Variants in PIK3R3 observed in about 807,000 individuals in gnomAD.
PIK3R3 encodes phosphatidylinositol 3-kinase regulatory subunit gamma.
In PIK3R3, 64 loss-of-function variants were observed where a neutral mutation model predicts 62.9. The ratio of observed to expected loss-of-function variants is 1.02; its 90% confidence interval spans 0.83 to 1.25. The LOEUF is 1.25. Ranked by LOEUF, PIK3R3 falls within the 50% of genes most tolerant of loss-of-function variation. PIK3R3 has a pLI of 0.00. For missense variants in PIK3R3, 614 were observed against 561.6 expected, an observed-to-expected ratio of 1.09 and a Z score of -0.94; for synonymous variants, 165 against 189.0, an observed-to-expected ratio of 0.87 and a Z score of 1.04.
chr1:46,060,185 C>T (rs1006756142), intron 6 of PIK3R3, among the ~76,000 whole-genome samples: 7 of 151,516 alleles, frequency 4.6e-5, no homozygotes, highest in South Asian at 2.1e-4. Context: ...GTTTCTTCAT[C>T]GTTAATAATA....
In PIK3R3 at chr1:46,129,484, T is replaced by C. The variant is rs932714885; in HGVS notation, c.106+2363A>G. 3.9e-5 allele frequency among the ~76,000 whole-genome samples: 6 copies of C among 152,048 alleles called. No homozygotes were observed. In the East Asian group the frequency reaches 1.2e-3, roughly 29 times the overall value. ...AGCCATTCAGAGGTTTTTAAACCCA[T>C]TGGAAGATTTATCATTGTAAGATAA... On this transcript the variant is annotated intron_variant, in intron 1 of 9. Coordinates refer to ENST00000262741, the MANE Select transcript of PIK3R3 (RefSeq NM_003629.4).
At chr1:46,103,271 C>T (rs1036559286) in intron 1 of PIK3R3, among the ~76,000 whole-genome samples, 5 of 152,078 alleles carry the variant, frequency 3.3e-5, no homozygotes, top group African/African-American at 1.2e-4. Context: ...TATCACTTAA[C>T]AATACACTTG....
intron 1 of PIK3R3, among the ~76,000 whole-genome samples, chr1:46,110,662 G>C (rs1009141224): frequency 6.6e-6 from 1 of 151,904 alleles, no homozygotes; most frequent in African/African-American, 2.4e-5. Flanking sequence ...ACCCATCTTT[G>C]TATCTCCAGT....
intron 1 of PIK3R3, among the ~76,000 whole-genome samples, chr1:46,124,660 G>C (rs1654937695): frequency 1.3e-5 from 2 of 151,990 alleles, no homozygotes; most frequent in Admixed American, 6.6e-5. Flanking sequence ...GCTGGGCGTG[G>C]TGGCACATGC....
At chr1:46,110,872 T>G (rs550427769) in intron 1 of PIK3R3, among the ~76,000 whole-genome samples, 23 of 148,934 alleles carry the variant, frequency 1.5e-4, no homozygotes, top group African/African-American at 2.5e-4. Context: ...AAAAGTTGGT[T>G]TTTTTTTTTT....
the PIK3R3 span, among the ~76,000 whole-genome samples, chr1:46,168,539 C>T: frequency 1.2e-4 from 19 of 152,352 alleles, no homozygotes; most frequent in Non-Finnish European, 2.8e-4. Flanking sequence ...AGCCAGTGAC[C>T]CTATCAGCCA....
At chr1:46,068,892 A>G (rs1160266676) in intron 3 of PIK3R3, among the ~76,000 whole-genome samples, 2 of 152,128 alleles carry the variant, frequency 1.3e-5, no homozygotes, top group African/African-American at 2.4e-5. Context: ...AGAATCATAT[A>G]ATCTATCTTG....
chr1:46,068,268 C>T (rs1649186870), intron 3 of PIK3R3, among the ~76,000 whole-genome samples: 1 of 152,150 alleles, frequency 6.6e-6, no homozygotes, highest in Non-Finnish European at 1.5e-5. Flanking sequence ...GCTGGCCTCT[C>T]TGTTAAAGTT....
intron 1 of PIK3R3, among the ~76,000 whole-genome samples, chr1:46,096,309 T>C (rs1396909167): frequency 1.3e-5 from 2 of 152,236 alleles, no homozygotes; most frequent in African/African-American, 2.4e-5. Flanking sequence ...CTCAGCCAGG[T>C]AACCTAGCAG....
intron 1 of PIK3R3, among the ~76,000 whole-genome samples, chr1:46,082,310 AACTT>A (rs781662759): frequency 3.3e-5 from 5 of 152,216 alleles, no homozygotes; most frequent in Non-Finnish European, 7.3e-5. Context: ...TCTACAAAAT[AACTT>A]ACCTGTAATC....
intron 1 of PIK3R3, among the ~76,000 whole-genome samples, chr1:46,082,769 G>A (rs1449319901): frequency 1.3e-5 from 2 of 152,060 alleles, no homozygotes; most frequent in East Asian, 3.9e-4. Context: ...CCCCCAAAGA[G>A]AAGTCCCTTA....
chr1:46,103,863 G>C (rs558756249), intron 1 of PIK3R3, among the ~76,000 whole-genome samples: 1 of 151,660 alleles, frequency 6.6e-6, no homozygotes, highest in South Asian at 2.1e-4. Context: ...CAAAGTGCTG[G>C]GATTACAGGC....
chr1:46,100,327 A>AAAAT (rs1261454822), intron 1 of PIK3R3, among the ~76,000 whole-genome samples: 1 of 152,192 alleles, frequency 6.6e-6, no homozygotes, highest in East Asian at 1.9e-4. Context: ...TGGTAAGTAG[A>AAAAT]AATCTCATTT....
chr1:46,086,761 A>C (rs1651096824), intron 1 of PIK3R3, among the ~76,000 whole-genome samples: 1 of 152,204 alleles, frequency 6.6e-6, no homozygotes, highest in Non-Finnish European at 1.5e-5. Flanking sequence ...TGGAAGCACA[A>C]TGCATCTCTG....
chr1:46,132,537 G>T lies in PIK3R3; in HGVS notation c.-585C>A, dbSNP rs1655709303. 1 of 1,254,862 alleles carries T rather than the reference G, an allele frequency of 8.0e-7. No individual in the cohort carries two copies. Among genetic ancestry groups the T allele is most frequent in the African/African-American group, 1.5e-5 (1 of 64,944 alleles). 77.7% of individuals were successfully genotyped at this position (1,254,862 alleles called of 1,614,324 possible). Reference sequence around the variant, plus strand: ...TGCCGCAGCCTCGGGAATGGGGCCGGCCGGAGAAGTCCAGTCAGCTCGGCT... The same window carrying T: ...TGCCGCAGCCTCGGGAATGGGGCCGTCCGGAGAAGTCCAGTCAGCTCGGCT... On this transcript the variant is annotated 5_prime_UTR_variant, in exon 1 of 10. Coordinates refer to ENST00000262741, the MANE Select transcript of PIK3R3 (RefSeq NM_003629.4).
At chr1:46,117,802 G>A (rs1227835843) in intron 1 of PIK3R3, among the ~76,000 whole-genome samples, 1 of 151,872 alleles carries the variant, frequency 6.6e-6, no homozygotes, top group Non-Finnish European at 1.5e-5. Context: ...AGGCATAATG[G>A]CTCAGGCCTG....
Position 46,077,666 on chromosome 1 carries a change from G to T in PIK3R3, c.216-53C>A, listed in dbSNP as rs989885499. 20 of 1,083,336 alleles carry T rather than the reference G, an allele frequency of 1.8e-5. No individual in the cohort carries two copies. In the East Asian group the frequency reaches 4.2e-4, roughly 23 times the overall value. The allele number at this position is 1,083,336 out of a possible 1,614,324, so 67.1% of individuals were successfully genotyped here. Reference sequence around the variant, plus strand: ...AAAAAATGTCAACACTGGTGGCTTCGGCAGTAGGTGTGCCTTCTTTACATG... The same window carrying T: ...AAAAAATGTCAACACTGGTGGCTTCTGCAGTAGGTGTGCCTTCTTTACATG... On this transcript the variant is annotated intron_variant, in intron 2 of 9. Coordinates refer to ENST00000262741, the MANE Select transcript of PIK3R3 (RefSeq NM_003629.4).
chr1:46,106,032 AT>A (rs1311048665), intron 1 of PIK3R3, among the ~76,000 whole-genome samples: 1 of 152,208 alleles, frequency 6.6e-6, no homozygotes, highest in East Asian at 1.9e-4. Flanking sequence ...CATCTCAAAT[AT>A]AAAAACTGAT....
At chr1:46,098,807 C>T (rs1307747372) in intron 1 of PIK3R3, among the ~76,000 whole-genome samples, 1 of 152,124 alleles carries the variant, frequency 6.6e-6, no homozygotes, top group Non-Finnish European at 1.5e-5. Flanking sequence ...TTCAAGCGAT[C>T]CTCCCACATT....
Sources: gnomAD v4.1 joint callset for allele counts (sites outside exome capture counted in the v4.1 genomes callset) on GRCh38, gnomAD v4.1.1 for gene constraint, MANE v1.5 for transcripts, NCBI Gene and HGNC (gene_info 2026-07-23, HGNC 2026-07-21) for gene names.